SYN2: variants seen among roughly 807,000 people sequenced by gnomAD.
SYN2 encodes synapsin II, also known as synapsin-2.
In SYN2, 19 loss-of-function variants were observed where a neutral mutation model predicts 50.9. The observed-to-expected ratio is 0.37, with a 90% confidence interval of 0.26 to 0.55. SYN2 has a LOEUF of 0.55. Among genes scored for constraint, SYN2 ranks in the 20% least tolerant of loss-of-function variants. The pLI is 0.81. For synonymous variants in SYN2, 255 were observed against 224.9 expected, an observed-to-expected ratio of 1.13 and a Z score of -1.20; for missense variants, 587 against 576.4, an observed-to-expected ratio of 1.02 and a Z score of -0.19.
At chr3:12,078,940 G>A (rs1399025097) in intron 1 of SYN2, among the ~76,000 whole-genome samples, 2 of 152,170 alleles carry the variant, frequency 1.3e-5, no homozygotes, top group Non-Finnish European at 2.9e-5. Context: ...CCGTGAACAT[G>A]GGATGTTTTT....
chr3:12,183,457 T>C, intron 11 of SYN2, 85 bp downstream of exon 11: 1 of 1,610,068 alleles, frequency 6.2e-7, no homozygotes, highest in East Asian at 2.2e-5. Flanking sequence ...TGGTGGTTAA[T>C]TTTTCAAAGC....
chr3:12,011,608 C>A (rs1476776948), intron 1 of SYN2, among the ~76,000 whole-genome samples: 1 of 152,148 alleles, frequency 6.6e-6, no homozygotes, highest in African/African-American at 2.4e-5. Flanking sequence ...GTCACCCTGC[C>A]CTTCTTTCCT....
At position 12,070,535 on chromosome 3, in the gene SYN2, G is replaced by A. The variant is rs878877192; in HGVS notation, c.377+65607G>A. Reference sequence around the variant, plus strand: ...GTGAGTTGCGTGTGGCCCCGGAGGAGCACCTGGTGCTGCTGACGGAGGCCC... The same window carrying A: ...GTGAGTTGCGTGTGGCCCCGGAGGAACACCTGGTGCTGCTGACGGAGGCCC... On this transcript the variant is annotated intron_variant, in intron 1 of 12. Coordinates refer to ENST00000621198, the MANE Select transcript of SYN2 (RefSeq NM_133625.6). 17 of 936,766 alleles carry A rather than the reference G, an allele frequency of 1.8e-5. No individual in the cohort carries two copies. In the South Asian group the frequency reaches 1.9e-4, roughly 11 times the overall value. 58.0% of individuals were successfully genotyped at this position (936,766 alleles called of 1,614,324 possible). A position where few individuals can be genotyped will look rare whatever the true frequency, so the allele number is the denominator to read the frequency against.
chr3:12,183,743 T>C, intron 11 of SYN2: 1 of 1,160,130 alleles, frequency 8.6e-7, no homozygotes. Context: ...TTCTGGGTGG[T>C]TTGATAGTGT....
chr3:12,054,861 A>C (rs1028944293), intron 1 of SYN2, among the ~76,000 whole-genome samples: 9 of 152,098 alleles, frequency 5.9e-5, no homozygotes, highest in African/African-American at 1.9e-4. Context: ...TAACCCATAC[A>C]TTTGATAGTT....
At chr3:12,066,423 A>T (rs1695218853) in intron 1 of SYN2, among the ~76,000 whole-genome samples, 1 of 152,188 alleles carries the variant, frequency 6.6e-6, no homozygotes, top group African/African-American at 2.4e-5. Flanking sequence ...GGATATTTGG[A>T]GGCAGTTGTT....
intron 1 of SYN2, among the ~76,000 whole-genome samples, chr3:12,088,280 A>G (rs1032234693): frequency 1.3e-5 from 2 of 152,240 alleles, no homozygotes; most frequent in African/African-American, 4.8e-5. Context: ...GAAAGAATGC[A>G]TATGAATGGC....
chr3:12,064,364 AAAAC>A (rs58822212), intron 1 of SYN2, among the ~76,000 whole-genome samples: 2,166 of 152,118 alleles, frequency 0.014, 56 homozygotes, highest in African/African-American at 0.047. Context: ...TCTACACTTA[AAAAC>A]AAACAAACAA....
At chr3:12,141,788 G>A in intron 2 of SYN2, 117 bp from the exon 3 acceptor site, 1 of 671,690 alleles carries the variant, frequency 1.5e-6, no homozygotes, top group South Asian at 1.7e-5. Flanking sequence ...AACTCAGTAT[G>A]TGAACATGTT....
Position 12,004,501 on chromosome 3 carries a change from TCCG to T in SYN2, c.-49_-47del. 2.1e-6 allele frequency: 1 copy of T among 465,692 alleles called. No individual in the cohort carries two copies. Among genetic ancestry groups the T allele is most frequent in the South Asian group, 2.4e-5 (1 of 42,048 alleles). The allele number at this position is 465,692 out of a possible 1,614,324, so 28.8% of individuals were successfully genotyped here. ...TCTCGCCTTCCGCCCTCGCTCTCCC[TCCG>T]CGCCACCAGACCCCGTAGCCCCGCG... is the stretch of plus-strand genomic sequence containing the variant. On this transcript the variant is annotated 5_prime_UTR_variant, in exon 1 of 13. Transcript: ENST00000621198.
intron 1 of SYN2, among the ~76,000 whole-genome samples, chr3:12,082,249 G>A (rs943844584): frequency 5.9e-5 from 9 of 152,150 alleles, no homozygotes; most frequent in Non-Finnish European, 1.0e-4. Flanking sequence ...TACCAGGAAA[G>A]TTCATTAGAC....
rs995195148 is a variant in SYN2, at chr3:12,060,408, G to T, written c.377+55480G>T. Among the ~76,000 whole-genome samples the T allele has an allele frequency of 2.0e-5, 3 of 152,218 alleles. No individual in the cohort carries two copies. The East Asian group carries it at 5.8e-4, about 29-fold the overall frequency. On this transcript the variant is annotated intron_variant, in intron 1 of 12. Transcript: ENST00000621198. ...GAGTCTTATCCCACCTGGGAGAAGG[G>T]CATTTCTCTGACTCCAGCCCCCTCT...
In SYN2 at chr3:12,158,761, C is replaced by T. The variant is rs1466034167; in HGVS notation, c.775-2785C>T. 17 of 1,607,070 alleles carry T rather than the reference C, an allele frequency of 1.1e-5. No homozygotes were observed. Among genetic ancestry groups the T allele is most frequent in the African/African-American group, 1.3e-5 (1 of 74,890 alleles). Reference sequence around the variant, plus strand: ...CGCCGGGGCGCAGCTGCATGCCTCACCCAGCCCCGGGGGCCGCAGCAACGC... The same window carrying T: ...CGCCGGGGCGCAGCTGCATGCCTCATCCAGCCCCGGGGGCCGCAGCAACGC... On this transcript the variant is annotated intron_variant, in intron 5 of 12. Transcript: ENST00000621198.
At chr3:12,020,898 A>G (rs189699608) in intron 1 of SYN2, among the ~76,000 whole-genome samples, 1 of 152,222 alleles carries the variant, frequency 6.6e-6, no homozygotes, top group Admixed American at 6.5e-5. Context: ...TTATTATATC[A>G]GTATGATTAA....
chr3:12,024,063 A>G (rs1694202634), intron 1 of SYN2, among the ~76,000 whole-genome samples: 1 of 151,304 alleles, frequency 6.6e-6, no homozygotes, highest in African/African-American at 2.4e-5. Context: ...TTGAGTTTTT[A>G]GTATAAAATT....
intron 5 of SYN2, chr3:12,153,864 C>T (rs904391664): frequency 6.9e-6 from 6 of 866,164 alleles, no homozygotes; most frequent in Non-Finnish European, 1.1e-5. Flanking sequence ...CTGGATTCTC[C>T]TTCCCCAAGG....
intron 7 of SYN2, among the ~76,000 whole-genome samples, chr3:12,166,058 G>A (rs924626199): frequency 5.3e-5 from 8 of 152,178 alleles, no homozygotes; most frequent in African/African-American, 1.7e-4. Context: ...TGGTGAGGAG[G>A]CACCTTAGAA....
At chr3:12,008,156 T>TA (rs1369345092) in intron 1 of SYN2, among the ~76,000 whole-genome samples, 2 of 152,182 alleles carry the variant, frequency 1.3e-5, no homozygotes, top group Admixed American at 6.5e-5. Flanking sequence ...AGCGAAGAGA[T>TA]ACGTTTTCTC....
intron 5 of SYN2, chr3:12,157,373 G>T (rs763056611): frequency 3.1e-6 from 5 of 1,612,712 alleles, no homozygotes; most frequent in Non-Finnish European, 4.2e-6. Flanking sequence ...ATCCCAGCCT[G>T]CCCCCATGTA....
Sources: allele counts gnomAD v4.1 joint callset (sites outside exome capture counted in the v4.1 genomes callset), GRCh38; gene constraint gnomAD v4.1.1; transcripts MANE v1.5; gene names NCBI Gene and HGNC (gene_info 2026-07-23, HGNC 2026-07-21).